Variants in ISOC2 observed in about 807,000 individuals in gnomAD.
ISOC2 encodes isochorismatase domain-containing protein 2.
In ISOC2, 15 loss-of-function variants were observed where a neutral mutation model predicts 19.3. That is an observed-to-expected ratio of 0.78 (90% CI 0.52 to 1.20). The LOEUF (loss-of-function observed/expected upper bound fraction) is 1.20, where lower values mean the gene tolerates loss of function less well. Ranked by LOEUF, ISOC2 falls within the 50% of genes most tolerant of loss-of-function variation. ISOC2 has a pLI of 0.00. For missense variants in ISOC2, 285 were observed against 272.4 expected (o/e 1.05, Z -0.33); for synonymous variants, 106 against 115.8 (o/e 0.92, Z 0.54).
intron 1 of ISOC2, among the ~76,000 whole-genome samples, chr19:55,458,454 T>G (rs1428911454): frequency 6.6e-6 from 1 of 152,068 alleles, no homozygotes; most frequent in African/African-American, 2.4e-5. Context: ...CCCTGGAGGC[T>G]CATTGGAGGC....
At chr19:55,460,728 GAT>G (rs1986208934) in intron 1 of ISOC2, among the ~76,000 whole-genome samples, 1 of 152,220 alleles carries the variant, frequency 6.6e-6, no homozygotes, top group Non-Finnish European at 1.5e-5. Flanking sequence ...CAAACCGTTC[GAT>G]TTTCTGCGTT....
Position 55,453,239 on chromosome 19 carries a change from G to A in ISOC2, c.*69C>T. 1 of 1,148,726 alleles carries A rather than the reference G, an allele frequency of 8.7e-7. No homozygotes were observed. The highest frequency in any genetic ancestry group is 1.2e-6 in the Non-Finnish European group (1 of 803,442). The allele number at this position is 1,148,726 out of a possible 1,614,324, so 71.2% of individuals were successfully genotyped here. On this transcript the variant is annotated 3_prime_UTR_variant, in exon 6 of 6. Coordinates refer to ENST00000425675, the MANE Select transcript of ISOC2 (RefSeq NM_001136201.2). The stretch of plus-strand genomic sequence containing the variant: ...CGCACCACTCTTGGGATCCAGGGAT[G>A]GGGGGAACGGGCTTCCACTGAGGTC...
In ISOC2 at chr19:55,453,396, G is replaced by C; in HGVS notation, c.538-8C>G. ...CTTGATGAGTTTCTGGATCTGTAAG[G>C]GCAGGGGGCGATGGGTCAGGAAGCG... is the stretch of plus-strand genomic sequence containing the variant. On this transcript the variant is annotated splice_region_variant and splice_polypyrimidine_tract_variant and intron_variant, in intron 5 of 5. Coordinates refer to ENST00000425675, the MANE Select transcript of ISOC2 (RefSeq NM_001136201.2). The C allele has an allele frequency of 6.3e-7, 1 of 1,592,098 alleles. No homozygotes were observed. The highest frequency in any genetic ancestry group is 8.5e-7 in the Non-Finnish European group (1 of 1,169,840).
chr19:55,454,750 C>T (rs1985986574), intron 5 of ISOC2: 2 of 564,736 alleles, frequency 3.5e-6, no homozygotes, highest in Non-Finnish European at 6.4e-6. Flanking sequence ...AAACCCCCTC[C>T]TCTGTGCCCT....
At position 55,456,425 on chromosome 19, in the gene ISOC2, C is replaced by T. The variant is rs1986064604; in HGVS notation, c.62G>A (p.Cys21Tyr). The T allele has an allele frequency of 6.2e-7, 1 of 1,613,678 alleles. No homozygotes were observed. The highest frequency in any genetic ancestry group is 8.5e-7 in the Non-Finnish European group (1 of 1,179,824). The stretch of plus-strand genomic sequence containing the variant: ...GTGGCGGAACTTCTCCTGCATGTCA[C>T]ACAGGAACAGGACAGAGGATCCTGG... ...VLPGSSVLFL[C>Y]DMQEKFRHNI... Residue 21 changes from cysteine to tyrosine, a missense_variant, in exon 2 of 6, where the codon TGT becomes TAT. Physicochemically the swap from Cys to Tyr is radical, Grantham distance 194. Transcript: ENST00000425675.
At chr19:55,455,991 G>A in intron 2 of ISOC2, 146 bp from the exon 3 acceptor site, 1 of 642,756 alleles carries the variant, frequency 1.6e-6, no homozygotes. Flanking sequence ...GGGTGTGAGG[G>A]AGGAGGGGCT....
intron 4 of ISOC2, 25 bp downstream of exon 4, chr19:55,455,235 C>T: frequency 6.3e-7 from 1 of 1,593,560 alleles, no homozygotes; most frequent in Non-Finnish European, 8.6e-7. Context: ...CCCACGTGCA[C>T]CCACCCAGGC....
chr19:55,453,441 T>C lies in ISOC2; in HGVS notation c.538-53A>G. 4 of 1,305,526 alleles carry C rather than the reference T, an allele frequency of 3.1e-6. No homozygotes were observed. The South Asian group carries it at 4.5e-5, about 15-fold the overall frequency. 80.9% of individuals were successfully genotyped at this position (1,305,526 alleles called of 1,614,324 possible). A position where few individuals can be genotyped will look rare whatever the true frequency, so the allele number is the denominator to read the frequency against. ...GAAGCGTCTAGGGTCCCGATCTCCATGGATGACAAATCTGAGGGACACCTC... is the reference window on the plus strand; with the variant it reads ...GAAGCGTCTAGGGTCCCGATCTCCACGGATGACAAATCTGAGGGACACCTC... On this transcript the variant is annotated intron_variant, in intron 5 of 5. Transcript: ENST00000425675.
At chr19:55,457,239 A>G in intron 1 of ISOC2, 1 of 154,922 alleles carries the variant, frequency 6.5e-6, no homozygotes. Context: ...AGGCAAATCC[A>G]CAGACAGAAA....
At chr19:55,457,689 G>A (rs954377089) in intron 1 of ISOC2, among the ~76,000 whole-genome samples, 1 of 151,904 alleles carries the variant, frequency 6.6e-6, no homozygotes, top group African/African-American at 2.4e-5. Context: ...AATCAGCCAG[G>A]CACGGTGGCA....
At chr19:55,455,430 A>G (rs763279760) in intron 3 of ISOC2, 100 bp from the exon 4 acceptor site, 1 of 1,483,300 alleles carries the variant, frequency 6.7e-7, no homozygotes, top group South Asian at 1.1e-5. Context: ...CAGAATGGGG[A>G]GGAGGGAGGC....
rs927596428 is a variant in ISOC2 at position 55,453,133 on chromosome 19, C to T, written c.*175G>A. ...ATTCCCACCCAGTTTCCAGGAGTCT[C>T]ATTTGCATTTCCGGGAGCAGCTGTC... On this transcript the variant is annotated 3_prime_UTR_variant, in exon 6 of 6. Coordinates refer to ENST00000425675, the MANE Select transcript of ISOC2 (RefSeq NM_001136201.2). 9 of 530,604 alleles carry T rather than the reference C, an allele frequency of 1.7e-5. No individual in the cohort carries two copies. The African/African-American group carries it at 1.8e-4, about 10-fold the overall frequency. 32.9% of individuals were successfully genotyped at this position (530,604 alleles called of 1,614,324 possible).
chr19:55,456,290 C>G (rs985385198), intron 2 of ISOC2, 59 bp downstream of exon 2: 2 of 1,039,182 alleles, frequency 1.9e-6, no homozygotes, highest in African/African-American at 1.6e-5. Context: ...GATCCTGGGT[C>G]TGAGGGTGGA....
At position 55,453,335 on chromosome 19, in the gene ISOC2, G is replaced by A. The variant is rs778904235; in HGVS notation, c.591C>T (p.Phe197=). The A allele has an allele frequency of 6.2e-7, 1 of 1,608,160 alleles. No individual in the cohort carries two copies. Among genetic ancestry groups the A allele is most frequent in the Non-Finnish European group, 8.5e-7 (1 of 1,177,542 alleles). Residue 197 remains phenylalanine (F), a synonymous_variant, in exon 6 of 6, where the codon TTC becomes TTT. Coordinates refer to ENST00000425675, the MANE Select transcript of ISOC2 (RefSeq NM_001136201.2). ...PAPDSGLLGL[F]QGQNSLLH Reference sequence around the variant, plus strand: ...AGTGGAGGAGGGAGTTCTGGCCTTGGAAGAGGCCCAGCAGTCCGCTGTCTG... The same window carrying A: ...AGTGGAGGAGGGAGTTCTGGCCTTGAAAGAGGCCCAGCAGTCCGCTGTCTG...
Position 55,456,490 on chromosome 19 carries a change from C to T in ISOC2, c.-3-1G>A. 1.2e-6 allele frequency: 2 copies of T among 1,613,512 alleles called. No individual in the cohort carries two copies. Among genetic ancestry groups the T allele is most frequent in the Non-Finnish European group, 1.7e-6 (2 of 1,179,700 alleles). The stretch of plus-strand genomic sequence containing the variant: ...GGCTGGGCCTGGCAGCCGCCATTTT[C>T]TGGGGGTGGGCAGAGGGACGGTGGG... On this transcript the variant is annotated splice_acceptor_variant, in intron 1 of 5. Transcript: ENST00000425675. LOFTEE classifies it low-confidence loss of function (5UTR_SPLICE).
intron 1 of ISOC2, 127 bp from the exon 2 acceptor site, chr19:55,456,616 T>C: frequency 8.3e-7 from 1 of 1,203,946 alleles, no homozygotes; most frequent in Non-Finnish European, 1.1e-6. Flanking sequence ...TCTTCCCACC[T>C]CAAGGTCTCT....
Position 55,455,854 on chromosome 19 carries a change from G to C in ISOC2, c.139-9C>G. 6.5e-7 allele frequency: 1 copy of C among 1,537,570 alleles called. No individual in the cohort carries two copies. Among genetic ancestry groups the C allele is most frequent in the Admixed American group, 2.0e-5 (1 of 50,498 alleles). On this transcript the variant is annotated splice_polypyrimidine_tract_variant and intron_variant, in intron 2 of 5. Coordinates refer to ENST00000425675, the MANE Select transcript of ISOC2 (RefSeq NM_001136201.2). ...TCAAGCAGCCGGGCCACCTGTGCCA[G>C]TGATGGGGAAGAAAGGTCAGGGTCT...
At chr19:55,454,856 C>T in intron 5 of ISOC2, 133 bp downstream of exon 5, 3 of 716,630 alleles carry the variant, frequency 4.2e-6, no homozygotes, top group Non-Finnish European at 7.5e-6. Flanking sequence ...TGACAGTGAC[C>T]AGCAGCCTCC....
At chr19:55,458,580 G>A (rs1347730145) in intron 1 of ISOC2, among the ~76,000 whole-genome samples, 1 of 151,410 alleles carries the variant, frequency 6.6e-6, no homozygotes, top group Non-Finnish European at 1.5e-5. Context: ...CCAGGCTGGA[G>A]TGTAGTGGCG....
Sources: allele counts gnomAD v4.1 joint callset (sites outside exome capture counted in the v4.1 genomes callset), GRCh38; gene constraint gnomAD v4.1.1; transcripts MANE v1.5; gene names NCBI Gene and HGNC (gene_info 2026-07-23, HGNC 2026-07-21).